Variants in ANKRD30A observed in about 807,000 individuals in gnomAD.
The protein encoded by ANKRD30A is ankyrin repeat domain 30A.
ANKRD30A carries 170 observed loss-of-function variants against 166.3 expected under a neutral mutation model. That is an observed-to-expected ratio of 1.02 (90% confidence interval 0.90 to 1.16). The LOEUF is 1.16. Ranked by LOEUF, ANKRD30A falls within the 50% of genes most tolerant of loss-of-function variation. The probability of loss-of-function intolerance (pLI) is 0.00; values close to 1 mark genes in which losing one functional copy is unlikely to be tolerated. For missense variants in ANKRD30A, 1,630 were observed against 1,518.0 expected (o/e 1.07, Z -1.23); for synonymous variants, 564 against 508.9 (o/e 1.11, Z -1.46).
In ANKRD30A at chr10:37,216,288, A is replaced by G. The variant is rs1842605281; in HGVS notation, c.2977A>G (p.Lys993Glu). The G allele has an allele frequency of 6.2e-7, 1 of 1,609,060 alleles. No individual in the cohort carries two copies. The highest frequency in any genetic ancestry group is 8.5e-7 in the Non-Finnish European group (1 of 1,176,622). The change falls in exon 32 of 36, where the codon AAA becomes GAA. Residue 993 changes from lysine to glutamate, a missense_variant. Coordinates refer to ENST00000361713, the MANE Select transcript of ANKRD30A (RefSeq NM_052997.3). Reference sequence around the variant, plus strand: ...ACGTACAGGAAAAATGGAACAAATGAAAAAGAAGTTTTGTGTACTGAAAAA... The same window carrying G: ...ACGTACAGGAAAAATGGAACAAATGGAAAAGAAGTTTTGTGTACTGAAAAA... ...EQRTGKMEQM[K>E]KKFCVLKKKL...
At chr10:37,136,374 C>G (rs1041074369) in intron 5 of ANKRD30A, among the ~76,000 whole-genome samples, 4 of 152,154 alleles carry the variant, frequency 2.6e-5, no homozygotes, top group African/African-American at 9.7e-5. Context: ...AGTTAATTTA[C>G]TGAGTTATAC....
chr10:37,224,321 CTTGA>C (rs979313397), intron 34 of ANKRD30A, among the ~76,000 whole-genome samples: 1 of 150,840 alleles, frequency 6.6e-6, no homozygotes, highest in South Asian at 2.1e-4. Flanking sequence ...CAAAAATTAT[CTTGA>C]TTAACGTTTC....
intron 8 of ANKRD30A, 103 bp from the exon 9 acceptor site, chr10:37,147,267 T>C: frequency 2.3e-6 from 2 of 879,854 alleles, no homozygotes; most frequent in East Asian, 5.6e-5. Flanking sequence ...TCAAATCAAA[T>C]TGCCTTTGAA....
intron 34 of ANKRD30A, among the ~76,000 whole-genome samples, chr10:37,228,749 T>C (rs1843277754): frequency 6.6e-6 from 1 of 152,008 alleles, no homozygotes; most frequent in Admixed American, 6.6e-5. Flanking sequence ...TTTCTACTGC[T>C]TCTCATTAGC....
chr10:37,152,243 T>G, intron 12 of ANKRD30A, 122 bp downstream of exon 12: 1 of 811,982 alleles, frequency 1.2e-6, no homozygotes, highest in South Asian at 1.6e-5. Context: ...TTTTTGATAT[T>G]TTTCAGAATA....
intron 31 of ANKRD30A, among the ~76,000 whole-genome samples, chr10:37,205,631 C>A (rs756961669): frequency 1.3e-5 from 2 of 152,006 alleles, no homozygotes; most frequent in Non-Finnish European, 2.9e-5. Context: ...CGTACTTACA[C>A]GCTTGTGGAA....
At chr10:37,252,826 T>G in the ANKRD30A span, among the ~76,000 whole-genome samples, 2 of 152,200 alleles carry the variant, frequency 1.3e-5, no homozygotes, top group Admixed American at 6.5e-5. Context: ...TGCTTAAAAC[T>G]GCTTGTCATA....
chr10:37,259,965 G>T, the ANKRD30A span, among the ~76,000 whole-genome samples: 3 of 152,136 alleles, frequency 2.0e-5, no homozygotes, highest in Non-Finnish European at 4.4e-5. Context: ...TGAATGAAAT[G>T]ATATATAATT....
the ANKRD30A span, chr10:37,241,400 G>C: frequency 6.6e-6 from 1 of 151,246 alleles, no homozygotes; most frequent in Non-Finnish European, 1.5e-5. Flanking sequence ...TTCTTAAAAA[G>C]GATAATATTT....
chr10:37,226,186 C>A (rs1843141351), intron 34 of ANKRD30A, among the ~76,000 whole-genome samples: 1 of 151,064 alleles, frequency 6.6e-6, no homozygotes, highest in Admixed American at 6.6e-5. Flanking sequence ...ATACATGTGC[C>A]ATGTTGGTGT....
At position 37,132,322 on chromosome 10, in the gene ANKRD30A, C is replaced by T. The variant is rs61737413; in HGVS notation, c.593C>T (p.Ala198Val). ...TTTTTGCTGATAAAAAATGCAAATG[C>T]GAATGCAGTTAATAAGTATAAATGG... ...VEFLLIKNANANAVNKYKCTA... is the reference protein window; with the variant it reads ...VEFLLIKNANVNAVNKYKCTA... Residue 198 changes from alanine to valine, a missense_variant, in exon 4 of 36, where the codon GCG (alanine) becomes GTG (valine). By Grantham distance (64) the Ala-to-Val change is moderately conservative (BLOSUM62 0). Coordinates refer to ENST00000361713, the MANE Select transcript of ANKRD30A (RefSeq NM_052997.3). The T allele has an allele frequency of 2.1e-4, 341 of 1,597,466 alleles. 2 individuals carry two copies. Among genetic ancestry groups the T allele is most frequent in the Middle Eastern group, 3.3e-4 (2 of 6,022 alleles).
At chr10:37,221,349 A>T (rs1359934971) in intron 34 of ANKRD30A, among the ~76,000 whole-genome samples, 1 of 151,248 alleles carries the variant, frequency 6.6e-6, no homozygotes, top group African/African-American at 2.4e-5. Flanking sequence ...ACTTCAAAAA[A>T]ACTTGGCTGA....
chr10:37,220,059 G>A (rs569251933), intron 34 of ANKRD30A, among the ~76,000 whole-genome samples, 162 bp downstream of exon 34: 2 of 135,472 alleles, frequency 1.5e-5, no homozygotes, highest in East Asian at 2.1e-4. Context: ...GATGATAAAT[G>A]CACTTACTAT....
chr10:37,145,001 G>A lies in ANKRD30A; in HGVS notation c.1400G>A (p.Arg467Lys). 7.5e-7 allele frequency: 1 copy of A among 1,326,830 alleles called. No individual in the cohort carries two copies. Among genetic ancestry groups the A allele is most frequent in the Non-Finnish European group, 9.6e-7 (1 of 1,037,448 alleles). 82.2% of individuals were successfully genotyped at this position (1,326,830 alleles called of 1,614,324 possible). ...SSTKASANDQ[R>K]FPSESKQEED... ...TGTGATTAACTTTTTATAGATCAGA[G>A]GTTCCCATCAGAATCCAAACAAGAG... is the stretch of plus-strand genomic sequence containing the variant. Residue 467 changes from arginine (R) to lysine (K), a missense_variant, in exon 8 of 36, where the codon AGG (arginine) becomes AAG (lysine). Physicochemically the swap from Arg to Lys is conservative, Grantham distance 26. Around this residue, in one of 4 missense-constraint regions of ANKRD30A, gnomAD observed 904 missense variants for 818.5 expected, o/e 1.10. Coordinates refer to ENST00000361713, the MANE Select transcript of ANKRD30A (RefSeq NM_052997.3).
chr10:37,154,071 T>C (rs2132567011), intron 13 of ANKRD30A, among the ~76,000 whole-genome samples: 1 of 152,240 alleles, frequency 6.6e-6, no homozygotes, highest in South Asian at 2.1e-4. Context: ...TTGGGAAGAA[T>C]ATAAAGTGAC....
the ANKRD30A span, chr10:37,241,051 T>G: frequency 6.6e-6 from 1 of 152,022 alleles, no homozygotes; most frequent in East Asian, 1.9e-4. Context: ...TGTATCATAG[T>G]TATATATACA....
intron 29 of ANKRD30A, among the ~76,000 whole-genome samples, chr10:37,199,336 T>C (rs1236017640): frequency 6.6e-6 from 1 of 151,998 alleles, no homozygotes; most frequent in Non-Finnish European, 1.5e-5. Context: ...GATTGCTGAG[T>C]CAATCAACGT....
In ANKRD30A at chr10:37,208,217, C is replaced by T. The variant is rs760167307; in HGVS notation, c.2869+6892C>T. Among the ~76,000 whole-genome samples the T allele has an allele frequency of 7.2e-4, 109 of 152,236 alleles. 1 individual carries two copies. The highest frequency in any genetic ancestry group is 1.2e-3 in the Non-Finnish European group (80 of 68,018). Reference sequence around the variant, plus strand: ...TCTTTGCAATTCACTAAGAGCTTTTCCTGAGACCCTTGTCTTGGCTGGTGT... The same window carrying T: ...TCTTTGCAATTCACTAAGAGCTTTTTCTGAGACCCTTGTCTTGGCTGGTGT... On this transcript the variant is annotated intron_variant, in intron 31 of 35. Transcript: ENST00000361713.
intron 31 of ANKRD30A, among the ~76,000 whole-genome samples, chr10:37,215,064 T>C (rs1163536019): frequency 6.6e-6 from 1 of 151,630 alleles, no homozygotes; most frequent in Non-Finnish European, 1.5e-5. Context: ...ACAAGTGCAA[T>C]TTAGTTTTTA....
Sources: allele counts gnomAD v4.1 joint callset (sites outside exome capture counted in the v4.1 genomes callset), GRCh38; gene constraint gnomAD v4.1.1; regional missense constraint gnomAD v4.1.1; transcripts MANE v1.5; gene names NCBI Gene and HGNC (gene_info 2026-07-23, HGNC 2026-07-21).